Variants in DHX8 observed in about 807,000 individuals in gnomAD.
DHX8 encodes DEAH-box helicase 8.
A neutral mutation model predicts 140.7 loss-of-function variants in DHX8; 67 were observed. That is an observed-to-expected ratio of 0.48 (90% CI 0.39 to 0.58). DHX8 has a LOEUF of 0.58. Ranked by LOEUF, DHX8 falls within the 20% of genes least tolerant of loss-of-function variation. The pLI is 0.00. For missense variants in DHX8, 887 were observed against 1,550.7 expected (o/e 0.57, Z 7.19); for synonymous variants, 533 against 553.2 (o/e 0.96, Z 0.51).
chr17:43,508,639 C>T (rs551804919), intron 16 of DHX8, 119 bp downstream of exon 16: 10 of 622,660 alleles, frequency 1.6e-5, no homozygotes, highest in African/African-American at 6.0e-5. Context: ...TTTTTTTCCT[C>T]GAGGCAGAGT....
chr17:43,500,688 G>T (rs1014636067), intron 11 of DHX8, among the ~76,000 whole-genome samples: 1 of 151,722 alleles, frequency 6.6e-6, no homozygotes, highest in Non-Finnish European at 1.5e-5. Context: ...TGAGGCGGGC[G>T]GATCACAAGG....
rs1220864245 is a variant in DHX8 at position 43,500,077 on chromosome 17, A to G, written c.1520A>G (p.Lys507Arg). Residue 507 changes from lysine (K) to arginine (R), a missense_variant, in exon 11 of 23, where the codon AAA becomes AGA. By Grantham distance (26) the Lys-to-Arg change is conservative. Transcript: ENST00000262415. ...EMDSIPMGLN[K>R]HWVDPLPDAE... ...GATTCTATTCCCATGGGACTCAACA[A>G]ACACTGGGTTGACCCTCTGCCTGAT... 1 of 1,614,108 alleles carries G rather than the reference A, an allele frequency of 6.2e-7. No individual in the cohort carries two copies. The highest frequency in any genetic ancestry group is 2.2e-5 in the East Asian group (1 of 44,866).
intron 11 of DHX8, among the ~76,000 whole-genome samples, chr17:43,501,293 G>A (rs1969181594): frequency 6.6e-6 from 1 of 152,098 alleles, no homozygotes; most frequent in African/African-American, 2.4e-5. Flanking sequence ...CCAGCCTGAG[G>A]AGTAGCCCGT....
intron 2 of DHX8, among the ~76,000 whole-genome samples, chr17:43,535,344 C>T (rs780074591): frequency 1.3e-5 from 2 of 152,172 alleles, no homozygotes; most frequent in Non-Finnish European, 2.9e-5. Flanking sequence ...GTGGCTCAAT[C>T]TTGCCTCACT....
chr17:43,491,208 A>G lies in DHX8; in HGVS notation c.351A>G (p.Glu117=), dbSNP rs768001597. Residue 117 remains glutamate, a synonymous_variant, in exon 4 of 23, where the codon GAA becomes GAG. Transcript: ENST00000262415. ...AAACAGAAAAAGAAAAGCTGAAGGA[A>G]CTCTTCCCAGTCCTTTGCCAACCGG... The part of the protein sequence containing the change: ...KPKTEKEKLK[E]LFPVLCQPDN... 1.3e-6 allele frequency: 2 copies of G among 1,541,852 alleles called. No individual in the cohort carries two copies. Among genetic ancestry groups the G allele is most frequent in the Non-Finnish European group, 1.7e-6 (2 of 1,144,442 alleles).
intron 3 of DHX8, 106 bp from the exon 4 acceptor site, chr17:43,491,059 G>A: frequency 4.2e-6 from 2 of 481,916 alleles, no homozygotes; most frequent in Non-Finnish European, 3.6e-6. Context: ...GCCATGTTCT[G>A]TTTCAGTTTG....
At chr17:43,525,857 C>T (rs1970594078), downstream of DHX8, 1 of 984,090 alleles carries the variant, frequency 1.0e-6, no homozygotes, top group Non-Finnish European at 1.2e-6. Flanking sequence ...GTGCCCAGCA[C>T]TGACAATGTT....
intron 11 of DHX8, among the ~76,000 whole-genome samples, chr17:43,503,947 C>T (rs907249655): frequency 5.9e-5 from 9 of 152,118 alleles, no homozygotes; most frequent in East Asian, 1.9e-4. Flanking sequence ...CTTGGTGGCT[C>T]ATACCTGTAA....
At chr17:43,485,732 C>T (rs1453418939) in intron 1 of DHX8, among the ~76,000 whole-genome samples, 1 of 152,026 alleles carries the variant, frequency 6.6e-6, no homozygotes, top group East Asian at 1.9e-4. Flanking sequence ...ACATTAACCC[C>T]CAGTGTTTAA....
At chr17:43,541,435 G>T (rs1006561484) in intron 3 of DHX8, among the ~76,000 whole-genome samples, 1 of 152,154 alleles carries the variant, frequency 6.6e-6, no homozygotes, top group Non-Finnish European at 1.5e-5. Flanking sequence ...TCTGTCTGGG[G>T]ACGAGGCAGA....
chr17:43,515,695 A>G (rs1320697603), intron 17 of DHX8, among the ~76,000 whole-genome samples: 2 of 152,154 alleles, frequency 1.3e-5, no homozygotes, highest in Admixed American at 6.5e-5. Flanking sequence ...TATGCTCTAT[A>G]CTACTTGTCA....
chr17:43,544,352 G>A (rs561474275), exon 4 of DHX8: 19 of 152,910 alleles, frequency 1.2e-4, no homozygotes, highest in Admixed American at 5.2e-4. Flanking sequence ...GTATTCAAGC[G>A]GGATGGAAGA....
At chr17:43,484,724 C>T (rs1011891025) in intron 1 of DHX8, among the ~76,000 whole-genome samples, 5 of 152,162 alleles carry the variant, frequency 3.3e-5, no homozygotes, top group Admixed American at 1.3e-4. Flanking sequence ...TCACTGCAGC[C>T]TCCACCTCCT....
chr17:43,494,937 G>A (rs565363170), intron 8 of DHX8, among the ~76,000 whole-genome samples: 8 of 150,580 alleles, frequency 5.3e-5, no homozygotes, highest in East Asian at 4.0e-4. Context: ...TCAGCCTCCC[G>A]AGTAGCTGGG....
At chr17:43,540,574 T>A (rs528773167) in intron 3 of DHX8, among the ~76,000 whole-genome samples, 48 of 152,246 alleles carry the variant, frequency 3.2e-4, no homozygotes, top group African/African-American at 1.1e-3. Context: ...TATAAGGAAG[T>A]CTCCTGTGTC....
intron 2 of DHX8, chr17:43,533,410 T>A: frequency 1.3e-6 from 2 of 1,502,838 alleles, no homozygotes; most frequent in South Asian, 2.4e-5. Flanking sequence ...CTTTGAACCC[T>A]TCATTCCTAG....
At chr17:43,496,392 C>CAA in intron 9 of DHX8, 124 bp downstream of exon 9, 3 of 504,220 alleles carry the variant, frequency 5.9e-6, no homozygotes, top group South Asian at 2.9e-5. Flanking sequence ...ACTCATCTCT[C>CAA]AAAAAAAAAA....
rs57991590 is a variant in DHX8 at position 43,522,538 on chromosome 17, C to T, written c.3443+312C>T. Among the ~76,000 whole-genome samples the T allele has an allele frequency of 6.1e-3, 920 of 151,792 alleles. 9 individuals are homozygous for T. Among genetic ancestry groups the T allele is most frequent in the African/African-American group, 0.022 (891 of 41,354 alleles). ...CTGAGGTGGGCAGATCAGCCGAGGT[C>T]GGGAGTTCAAGACCAGCCTGACCAA... On this transcript the variant is annotated intron_variant, in intron 22 of 22. Coordinates refer to ENST00000262415, the MANE Select transcript of DHX8 (RefSeq NM_004941.3).
At chr17:43,508,592 A>T in intron 16 of DHX8, 72 bp downstream of exon 16, 25 of 964,588 alleles carry the variant, frequency 2.6e-5, no homozygotes, top group Non-Finnish European at 3.8e-5. Context: ...CAGCCATAGT[A>T]GGGATTGCTT....
Sources: allele counts gnomAD v4.1 joint callset (sites outside exome capture counted in the v4.1 genomes callset), GRCh38; gene constraint gnomAD v4.1.1; transcripts MANE v1.5; gene names NCBI Gene and HGNC (gene_info 2026-07-23, HGNC 2026-07-21).